RTN4RL1: variants seen among roughly 807,000 people sequenced by gnomAD.
RTN4RL1 encodes reticulon-4 receptor-like 1.
RTN4RL1 carries 7 observed loss-of-function variants against 25.6 expected under a neutral mutation model. That is an observed-to-expected ratio of 0.27 (90% CI 0.16 to 0.51). The LOEUF (loss-of-function observed/expected upper bound fraction) is 0.51. RTN4RL1 is among the 20% of genes least tolerant of loss of function. The pLI is 0.97. For synonymous variants in RTN4RL1, 297 were observed against 288.2 expected (o/e 1.03, Z -0.31); for missense variants, 500 against 615.6 (o/e 0.81, Z 1.99).
chr17:1,999,713 C>A (rs1006093193), intron 1 of RTN4RL1, among the ~76,000 whole-genome samples: 4 of 151,810 alleles, frequency 2.6e-5, no homozygotes, highest in Admixed American at 2.6e-4. Flanking sequence ...CACACTCTTG[C>A]GTGCTGACTG....
intron 1 of RTN4RL1, among the ~76,000 whole-genome samples, chr17:1,953,596 C>T (rs1236866426): frequency 6.6e-6 from 1 of 152,014 alleles, no homozygotes; most frequent in African/African-American, 2.4e-5. Flanking sequence ...GACAGAGTCT[C>T]ACTCTGTCAC....
chr17:1,975,914 G>T (rs548398237), intron 1 of RTN4RL1, among the ~76,000 whole-genome samples: 1 of 152,288 alleles, frequency 6.6e-6, no homozygotes, highest in East Asian at 1.9e-4. Context: ...CCTGAGACCA[G>T]AAATAAATAA....
chr17:1,941,033 T>C (rs1488289677), intron 1 of RTN4RL1, among the ~76,000 whole-genome samples: 3 of 152,080 alleles, frequency 2.0e-5, no homozygotes, highest in Non-Finnish European at 4.4e-5. Context: ...CACTCGACAT[T>C]TGCACAGCTT....
Position 1,936,183 on chromosome 17 carries a change from A to C in RTN4RL1, c.*313T>G. The C allele has an allele frequency of 6.0e-6, 7 of 1,169,558 alleles. No homozygotes were observed. Among genetic ancestry groups the C allele is most frequent in the East Asian group, 4.4e-5 (1 of 22,622 alleles). 72.4% of individuals were successfully genotyped at this position (1,169,558 alleles called of 1,614,324 possible). A position where few individuals can be genotyped will look rare whatever the true frequency, so the allele number is the denominator to read the frequency against. ...AGCCCCGGTGCCGCCGTCGGGGGCA[A>C]TTGTCCCACTGTTGCCAGTGGAGGA... is the stretch of plus-strand genomic sequence containing the variant. On this transcript the variant is annotated 3_prime_UTR_variant, in exon 2 of 2. Transcript: ENST00000331238.
chr17:2,000,452 C>G (rs1051660606), intron 1 of RTN4RL1, among the ~76,000 whole-genome samples: 1 of 152,156 alleles, frequency 6.6e-6, no homozygotes, highest in African/African-American at 2.4e-5. Context: ...TAGCGATTCT[C>G]AAGTCTCAGC....
chr17:1,994,505 G>T lies in RTN4RL1; in HGVS notation c.13+30348C>A, dbSNP rs2066921684. 6.6e-6 allele frequency among the ~76,000 whole-genome samples: 1 copy of T among 152,154 alleles called. No individual in the cohort carries two copies. The highest frequency in any genetic ancestry group is 2.4e-5 in the African/African-American group (1 of 41,440). On this transcript the variant is annotated intron_variant, in intron 1 of 1. Coordinates refer to ENST00000331238, the MANE Select transcript of RTN4RL1 (RefSeq NM_178568.4). The surrounding 1 kb of genome is among the most constrained non-coding windows in gnomAD (Gnocchi z 4.3). ...ATTCTCAGGTCAGAAAATGCCAAGG[G>T]GCCTGCTCCATCCCCTTCCCACCAG...
intron 1 of RTN4RL1, chr17:2,017,630 A>T (rs1009833419): frequency 3.3e-5 from 5 of 152,298 alleles, no homozygotes; most frequent in Admixed American, 3.3e-4. Flanking sequence ...GACCTCTGCC[A>T]CACACACTAC....
Position 1,937,367 on chromosome 17 carries a change from T to A in RTN4RL1, c.455A>T (p.Gln152Leu). The A allele has an allele frequency of 6.2e-7, 1 of 1,613,642 alleles. No individual in the cohort carries two copies. Among genetic ancestry groups the A allele is most frequent in the Non-Finnish European group, 8.5e-7 (1 of 1,179,842 alleles). ...GTGGTTGTCCTGCAGGTAGAGGTAC[T>A]GCAGGCTGTGCAGGCCGCCAAAGAC... ...AGVFGGLHSL[Q>L]YLYLQDNHIE... The change falls in exon 2 of 2, where the codon CAG (glutamine) becomes CTG (leucine). Residue 152 changes from glutamine (Q) to leucine (L), a missense_variant. Transcript: ENST00000331238.
chr17:1,950,047 C>T (rs1036823587), intron 1 of RTN4RL1, among the ~76,000 whole-genome samples: 10 of 152,172 alleles, frequency 6.6e-5, no homozygotes, highest in African/African-American at 2.4e-4. Context: ...TGAAACACCA[C>T]CAGAAAGGGT....
At chr17:1,985,989 C>T (rs892199463) in intron 1 of RTN4RL1, among the ~76,000 whole-genome samples, 5 of 151,970 alleles carry the variant, frequency 3.3e-5, no homozygotes, top group African/African-American at 1.2e-4. Flanking sequence ...GTAGGATGGC[C>T]CCAGCTAAGC....
chr17:1,996,114 G>A (rs1597232825), intron 1 of RTN4RL1, among the ~76,000 whole-genome samples: 4 of 152,204 alleles, frequency 2.6e-5, no homozygotes. Flanking sequence ...GGGAGGAGCA[G>A]GAAGGCAATT....
chr17:2,005,247 T>A (rs2066985224), intron 1 of RTN4RL1, among the ~76,000 whole-genome samples: 1 of 152,164 alleles, frequency 6.6e-6, no homozygotes, highest in African/African-American at 2.4e-5. Context: ...GCTCAAGTGA[T>A]CCTCCTGCCT....
chr17:1,979,557 C>A (rs1005703659), intron 1 of RTN4RL1, among the ~76,000 whole-genome samples: 4 of 152,092 alleles, frequency 2.6e-5, no homozygotes, highest in Non-Finnish European at 5.9e-5. Context: ...CCACTCAAGG[C>A]TTTGCCTAAC....
At chr17:1,963,315 C>G (rs996699017) in intron 1 of RTN4RL1, among the ~76,000 whole-genome samples, 1 of 152,236 alleles carries the variant, frequency 6.6e-6, no homozygotes, top group African/African-American at 2.4e-5. Context: ...TGACCCAGCC[C>G]CGTGGCTCTG....
chr17:1,936,558 C>T lies in RTN4RL1; in HGVS notation c.1264G>A (p.Ala422Thr). Residue 422 changes from alanine (A) to threonine (T), a missense_variant, in exon 2 of 2, where the codon GCC becomes ACC. Ala to Thr is a moderately conservative substitution (Grantham distance 58). Transcript: ENST00000331238. Reference sequence around the variant, plus strand: ...AGGAGGGAGGCCCCCAGGGAACTGGCCGAGGAGGCCTGCTGCACCCCGCTG... The same window carrying T: ...AGGAGGGAGGCCCCCAGGGAACTGGTCGAGGAGGCCTGCTGCACCCCGCTG... ...APSGVQQASS[A>T]SSLGASLLAW... is the part of the protein sequence containing the mutation. 5 of 1,560,134 alleles carry T rather than the reference C, an allele frequency of 3.2e-6. No individual in the cohort carries two copies. The highest frequency in any genetic ancestry group is 4.3e-6 in the Non-Finnish European group (5 of 1,153,346).
intron 1 of RTN4RL1, among the ~76,000 whole-genome samples, chr17:1,945,561 G>C (rs193064417): frequency 1.3e-5 from 2 of 151,836 alleles, no homozygotes; most frequent in Admixed American, 1.3e-4. Context: ...ATGTTGACCA[G>C]GCTTGTTTCA....
chr17:1,947,172 GTC>G (rs1915574605), intron 1 of RTN4RL1, among the ~76,000 whole-genome samples: 1 of 150,122 alleles, frequency 6.7e-6, no homozygotes, highest in Non-Finnish European at 1.5e-5. Context: ...GTCTGTGTGC[GTC>G]TCTGTGTGAC....
At position 1,994,702 on chromosome 17, in the gene RTN4RL1, CTG is replaced by C. The variant is rs1281280046; in HGVS notation, c.13+30149_13+30150del. Reference sequence around the variant, plus strand: ...TGACCTCGGTCAACACAAGCAGGCTCTGCTGCCTCCCACCTCCAAGCCTCAGT... The same window carrying C: ...TGACCTCGGTCAACACAAGCAGGCTCCTGCCTCCCACCTCCAAGCCTCAGT... On this transcript the variant is annotated intron_variant, in intron 1 of 1. Transcript: ENST00000331238. This position sits in a 1 kb window ranked among gnomAD's most constrained non-coding sequence, Gnocchi z 4.3. 6.6e-6 allele frequency among the ~76,000 whole-genome samples: 1 copy of C among 152,192 alleles called. No homozygotes were observed. The highest frequency in any genetic ancestry group is 2.4e-5 in the African/African-American group (1 of 41,444).
intron 1 of RTN4RL1, among the ~76,000 whole-genome samples, chr17:1,986,354 G>A (rs1359572276): frequency 1.3e-5 from 2 of 151,996 alleles, no homozygotes; most frequent in East Asian, 3.8e-4. Flanking sequence ...CAAGGTCCCT[G>A]GAGTGAATTG....
Sources: allele counts gnomAD v4.1 joint callset (sites outside exome capture counted in the v4.1 genomes callset), GRCh38; gene constraint gnomAD v4.1.1; non-coding constraint Gnocchi (gnomAD v3.1); transcripts MANE v1.5; gene names NCBI Gene and HGNC (gene_info 2026-07-23, HGNC 2026-07-21).